Variants in HFM1 observed in about 807,000 individuals in gnomAD.
HFM1 encodes the protein probable ATP-dependent DNA helicase HFM1.
HFM1 carries 169 observed loss-of-function variants against 192.1 expected under a neutral mutation model. The ratio of observed to expected loss-of-function variants is 0.88; its 90% CI spans 0.78 to 1.00. HFM1 has a LOEUF of 1.00. Ranked by LOEUF, HFM1 falls within the 50% of genes least tolerant of loss-of-function variation. The pLI, the probability that HFM1 is intolerant of heterozygous loss-of-function variation, is 0.00. For synonymous variants in HFM1, 525 were observed against 537.8 expected (o/e 0.98, Z 0.33); for missense variants, 1,661 against 1,668.0 (o/e 1.00, Z 0.07).
intron 20 of HFM1, among the ~76,000 whole-genome samples, chr1:91,330,223 A>G (rs1469681138): frequency 1.3e-5 from 2 of 152,172 alleles, no homozygotes; most frequent in Non-Finnish European, 2.9e-5. Flanking sequence ...TTTTAAAGTT[A>G]TAAAGAAAAA....
intron 13 of HFM1, among the ~76,000 whole-genome samples, chr1:91,371,158 C>T (rs939115457): frequency 6.6e-6 from 1 of 152,036 alleles, no homozygotes; most frequent in African/African-American, 2.4e-5. Flanking sequence ...TGAAAATGGC[C>T]ATACTGCCCA....
At chr1:91,327,778 T>G (rs1653132868) in intron 20 of HFM1, among the ~76,000 whole-genome samples, 1 of 152,166 alleles carries the variant, frequency 6.6e-6, no homozygotes, top group Admixed American at 6.5e-5. Context: ...ATATCAAGCA[T>G]CTTCTGAAAT....
rs148658171 is a variant in HFM1 at position 91,395,693 on chromosome 1, C to T, written c.184+600G>A. On this transcript the variant is annotated intron_variant, in intron 3 of 38. Transcript: ENST00000370425. ...AAAATAAAGAAATTTTAATTGTTTA[C>T]ATAACGAGTATACATATTTTGGGGG... Among the ~76,000 whole-genome samples the T allele has an allele frequency of 3.9e-5, 6 of 152,088 alleles. No homozygotes were observed. The East Asian group carries it at 1.2e-3, about 29-fold the overall frequency.
intron 36 of HFM1, among the ~76,000 whole-genome samples, chr1:91,264,979 GAA>G (rs1369123950): frequency 6.6e-6 from 1 of 151,984 alleles, no homozygotes; most frequent in Non-Finnish European, 1.5e-5. Flanking sequence ...TTGCCACACT[GAA>G]TCTGCTCTAT....
At position 91,262,392 on chromosome 1, in the gene HFM1, C is replaced by A. The variant is rs1665249068; in HGVS notation, c.4087G>T (p.Val1363Phe). ...LPQQAGNAVI[V>F]HFQERKPQNL... ...TGTGGTTTTCTTTCTTGAAAATGGA[C>A]CTACATTTGAGATAAAAAATAACAA... Residue 1363 changes from valine (V) to phenylalanine (F), a missense_variant and splice_region_variant, in exon 38 of 39, where the codon GTC becomes TTC. By Grantham distance (50) the Val-to-Phe change is conservative. Coordinates refer to ENST00000370425, the MANE Select transcript of HFM1 (RefSeq NM_001017975.6). 1 of 1,576,628 alleles carries A rather than the reference C, an allele frequency of 6.3e-7. No homozygotes were observed. Among genetic ancestry groups the A allele is most frequent in the Non-Finnish European group, 8.6e-7 (1 of 1,160,762 alleles).
intron 13 of HFM1, among the ~76,000 whole-genome samples, chr1:91,354,866 AATG>A (rs1296880367): frequency 1.3e-5 from 2 of 152,166 alleles, no homozygotes; most frequent in African/African-American, 4.8e-5. Flanking sequence ...GATACAAAAG[AATG>A]ATAATTAGTA....
Position 91,338,276 on chromosome 1 carries a change from G to A in HFM1, c.2335+5154C>T, listed in dbSNP as rs72970312. 2.3e-3 allele frequency among the ~76,000 whole-genome samples: 354 copies of A among 152,346 alleles called. 1 individual carries two copies. The highest frequency in any genetic ancestry group is 8.0e-3 in the African/African-American group (333 of 41,586). On this transcript the variant is annotated intron_variant, in intron 20 of 38. Coordinates refer to ENST00000370425, the MANE Select transcript of HFM1 (RefSeq NM_001017975.6). The stretch of plus-strand genomic sequence containing the variant: ...ACAGGAATGGCTACAGTGGAGTACA[G>A]TCAGGAATGCCAATCCCCCAAGGCC...
chr1:91,336,195 T>C (rs1341683401), intron 20 of HFM1, among the ~76,000 whole-genome samples: 1 of 148,830 alleles, frequency 6.7e-6, no homozygotes, highest in African/African-American at 2.5e-5. Flanking sequence ...CCTCCCTCCT[T>C]GCAGGCTAAG....
intron 30 of HFM1, among the ~76,000 whole-genome samples, chr1:91,284,347 T>C (rs1667742798): frequency 6.6e-6 from 1 of 152,062 alleles, no homozygotes; most frequent in African/African-American, 2.4e-5. Flanking sequence ...GCTCAAGTGA[T>C]TCACCTGCCT....
intron 30 of HFM1, among the ~76,000 whole-genome samples, chr1:91,312,127 C>T (rs1173192812): frequency 1.3e-5 from 2 of 152,146 alleles, no homozygotes; most frequent in Non-Finnish European, 2.9e-5. Context: ...GGAGCAAAGC[C>T]CTCATGGAGA....
intron 23 of HFM1, among the ~76,000 whole-genome samples, chr1:91,320,344 T>G (rs1341107172): frequency 3.9e-5 from 6 of 152,210 alleles, no homozygotes; most frequent in Admixed American, 3.3e-4. Flanking sequence ...ACTATTCACT[T>G]TTTTTGGCTA....
chr1:91,328,515 T>A, intron 20 of HFM1: 1 of 1,613,384 alleles, frequency 6.2e-7, no homozygotes, highest in Non-Finnish European at 8.5e-7. Flanking sequence ...TCCTGATTGC[T>A]GTTCGCCAGG....
intron 17 of HFM1, among the ~76,000 whole-genome samples, 171 bp from the exon 18 acceptor site, chr1:91,351,042 G>GTCAGTTCA (rs1656867972): frequency 1.3e-5 from 2 of 151,982 alleles, no homozygotes; most frequent in South Asian, 4.2e-4. Flanking sequence ...ACTTCTAAAA[G>GTCAGTTCA]GCTTCAGATA....
Position 91,261,346 on chromosome 1 carries a change from C to A in HFM1, c.4252G>T (p.Asp1418Tyr). The change falls in exon 39 of 39, where the codon GAT becomes TAT. Residue 1418 changes from aspartate (D) to tyrosine (Y), a missense_variant. By Grantham distance (160) the Asp-to-Tyr change is radical. Transcript: ENST00000370425. ...GACTTCATTTCATCAGCTTCATCAT[C>A]AGGATGATACATACTGGGAGAAAGA... is the stretch of plus-strand genomic sequence containing the variant. Reference protein sequence around the residue: ...KEVDFSMYHPDDEADEMKSLL... With the variant: ...KEVDFSMYHPYDEADEMKSLL... 1 of 1,408,404 alleles carries A rather than the reference C, an allele frequency of 7.1e-7. No individual in the cohort carries two copies. Among genetic ancestry groups the A allele is most frequent in the Non-Finnish European group, 9.4e-7 (1 of 1,067,276 alleles). The allele number at this position is 1,408,404 out of a possible 1,614,324, so 87.2% of individuals were successfully genotyped here. A position where few individuals can be genotyped will look rare whatever the true frequency, so the allele number is the denominator to read the frequency against.
chr1:91,322,334 C>G (rs1042375353), intron 23 of HFM1, among the ~76,000 whole-genome samples: 1 of 152,126 alleles, frequency 6.6e-6, no homozygotes, highest in Non-Finnish European at 1.5e-5. Context: ...TATTGAGCCA[C>G]ATTGAAAAAG....
At chr1:91,393,704 T>G (rs1351013324) in intron 4 of HFM1, among the ~76,000 whole-genome samples, 3 of 152,140 alleles carry the variant, frequency 2.0e-5, no homozygotes, top group Non-Finnish European at 2.9e-5. Context: ...CTATTATAAT[T>G]TATCCTCCAT....
At chr1:91,359,361 A>C (rs908137459) in intron 13 of HFM1, among the ~76,000 whole-genome samples, 7 of 152,312 alleles carry the variant, frequency 4.6e-5, no homozygotes, top group African/African-American at 1.7e-4. Flanking sequence ...AACCATGGTA[A>C]AACAGTACAG....
intron 19 of HFM1, among the ~76,000 whole-genome samples, chr1:91,347,000 T>C (rs865989032): frequency 6.6e-6 from 1 of 152,128 alleles, no homozygotes; most frequent in Non-Finnish European, 1.5e-5. Flanking sequence ...CTCACGCCTA[T>C]AGTCCCAGCT....
chr1:91,282,816 A>G (rs974062059), intron 30 of HFM1, among the ~76,000 whole-genome samples: 1 of 152,346 alleles, frequency 6.6e-6, no homozygotes, highest in African/African-American at 2.4e-5. Flanking sequence ...AATGAAGAAT[A>G]AAGAGTTGCC....
Sources: allele counts gnomAD v4.1 joint callset (sites outside exome capture counted in the v4.1 genomes callset), GRCh38; gene constraint gnomAD v4.1.1; transcripts MANE v1.5; gene names NCBI Gene and HGNC (gene_info 2026-07-23, HGNC 2026-07-21).